HCN1: variants seen among roughly 807,000 people sequenced by gnomAD.
HCN1 encodes the protein potassium/sodium hyperpolarization-activated cyclic nucleotide-gated channel 1.
HCN1 carries 13 observed loss-of-function variants against 78.9 expected under a neutral mutation model. The ratio of observed to expected loss-of-function variants is 0.16; its 90% CI spans 0.11 to 0.26. The LOEUF is 0.26. Ranked by LOEUF, HCN1 falls within the 10% of genes least tolerant of loss-of-function variation. The pLI is 1.00. For synonymous variants in HCN1, 552 were observed against 455.5 expected (o/e 1.21, Z -2.70); for missense variants, 810 against 1,154.3 (o/e 0.70, Z 4.32).
intron 6 of HCN1, among the ~76,000 whole-genome samples, chr5:45,297,969 T>C (rs756781378): frequency 5.3e-5 from 7 of 131,690 alleles, no homozygotes; most frequent in Non-Finnish European, 1.1e-4. Flanking sequence ...TTTCTCAATA[T>C]GATTAAGAAC....
intron 3 of HCN1, among the ~76,000 whole-genome samples, chr5:45,403,615 C>T (rs1254203948): frequency 6.6e-6 from 1 of 152,062 alleles, no homozygotes; most frequent in East Asian, 1.9e-4. Flanking sequence ...GATTCAATCA[C>T]CTCCCACCGG....
intron 3 of HCN1, among the ~76,000 whole-genome samples, chr5:45,430,673 A>G (rs1740444704): frequency 6.6e-6 from 1 of 151,942 alleles, no homozygotes; most frequent in Non-Finnish European, 1.5e-5. Context: ...CACATTTTTT[A>G]AAATTTACTC....
At chr5:45,547,551 C>T (rs1370704454) in intron 2 of HCN1, among the ~76,000 whole-genome samples, 3 of 151,864 alleles carry the variant, frequency 2.0e-5, no homozygotes, top group Non-Finnish European at 4.4e-5. Context: ...CTCACCTATC[C>T]TCTTCATATG....
intron 2 of HCN1, among the ~76,000 whole-genome samples, chr5:45,553,500 T>C (rs1446239531): frequency 1.1e-4 from 16 of 151,856 alleles, no homozygotes; most frequent in Admixed American, 1.1e-3. Flanking sequence ...AAGTCTTCCT[T>C]CCCTTACAAA....
chr5:45,262,091 C>T lies in HCN1; in HGVS notation c.2503G>A (p.Val835Ile), dbSNP rs1744752548. The T allele has an allele frequency of 6.2e-7, 1 of 1,613,172 alleles. No homozygotes were observed. Among genetic ancestry groups the T allele is most frequent in the African/African-American group, 1.3e-5 (1 of 75,026 alleles). ...CGGAAGAGGGTGACGCGCTGCGGGA[C>T]AGTGCTCCTGCCCCCTGCCTGAAGG... ...TGLQAGGRST[V>I]PQRVTLFRQM... Residue 835 changes from valine to isoleucine, a missense_variant, in exon 8 of 8, where the codon GTC (valine) becomes ATC (isoleucine). By Grantham distance (29) the Val-to-Ile change is conservative (BLOSUM62 3). This residue lies in a region of HCN1 where 398 missense variants were observed against 381.3 expected (regional missense o/e 1.04). Coordinates refer to ENST00000303230, the MANE Select transcript of HCN1 (RefSeq NM_021072.4).
At chr5:45,643,742 A>G (rs1745496995) in intron 2 of HCN1, 1 of 152,178 alleles carries the variant, frequency 6.6e-6, no homozygotes, top group Non-Finnish European at 1.5e-5. Flanking sequence ...AGGAAGATTC[A>G]GTGAGCTAAT....
At chr5:45,513,844 G>T (rs1742466821) in intron 2 of HCN1, among the ~76,000 whole-genome samples, 1 of 152,096 alleles carries the variant, frequency 6.6e-6, no homozygotes, top group African/African-American at 2.4e-5. Context: ...AAGCCTCATA[G>T]ATTTCAGACC....
chr5:45,414,820 T>C (rs1395061776), intron 3 of HCN1, among the ~76,000 whole-genome samples: 1 of 152,046 alleles, frequency 6.6e-6, no homozygotes, highest in East Asian at 1.9e-4. Context: ...TATCACTTGA[T>C]TTGAGACTAT....
intron 2 of HCN1, among the ~76,000 whole-genome samples, chr5:45,585,801 G>T (rs545051326): frequency 3.9e-5 from 6 of 152,170 alleles, no homozygotes; most frequent in Non-Finnish European, 7.3e-5. Context: ...TCCAGACCCT[G>T]TTTGCCTGGG....
At chr5:45,671,984 C>T (rs1746161171) in intron 1 of HCN1, among the ~76,000 whole-genome samples, 1 of 151,500 alleles carries the variant, frequency 6.6e-6, no homozygotes, top group African/African-American at 2.4e-5. Flanking sequence ...TAGTTAAAAT[C>T]TGCATTTTGA....
At chr5:45,494,740 G>A (rs952489730) in intron 2 of HCN1, among the ~76,000 whole-genome samples, 74 of 152,090 alleles carry the variant, frequency 4.9e-4, no homozygotes, top group East Asian at 1.9e-3. Context: ...TAGGTCTAAC[G>A]TTTAAGTCTT....
At chr5:45,528,942 G>C (rs994908340) in intron 2 of HCN1, among the ~76,000 whole-genome samples, 1 of 151,916 alleles carries the variant, frequency 6.6e-6, no homozygotes, top group South Asian at 2.1e-4. Flanking sequence ...TTAGCTTTAT[G>C]GAATTCAAAA....
At chr5:45,542,844 TG>T (rs1381732003) in intron 2 of HCN1, among the ~76,000 whole-genome samples, 7 of 152,170 alleles carry the variant, frequency 4.6e-5, no homozygotes, top group Non-Finnish European at 7.3e-5. Flanking sequence ...CTATAGTCAG[TG>T]TATGTTCAAG....
chr5:45,399,954 C>A (rs1039735919), intron 3 of HCN1, among the ~76,000 whole-genome samples: 24 of 152,008 alleles, frequency 1.6e-4, no homozygotes, highest in African/African-American at 5.8e-4. Flanking sequence ...GGAGAATGAG[C>A]AAATTTATAC....
chr5:45,657,991 T>C (rs528882019), intron 1 of HCN1, among the ~76,000 whole-genome samples: 1 of 152,246 alleles, frequency 6.6e-6, no homozygotes, highest in South Asian at 2.1e-4. Flanking sequence ...CTTCAAACTA[T>C]ACTACAAGGC....
chr5:45,434,607 C>T (rs1324695485), intron 3 of HCN1, among the ~76,000 whole-genome samples: 2 of 152,156 alleles, frequency 1.3e-5, no homozygotes, highest in Non-Finnish European at 2.9e-5. Flanking sequence ...ATTGAGAAGG[C>T]ATTTGGCCAA....
rs888809220 is a variant in HCN1 at position 45,258,515 on chromosome 5, A to C, written c.*3406T>G. ...AATAGAATATATTGCCATTGCTACT[A>C]TTTATCCTCCTTGTTTTCAGGAATG... On this transcript the variant is annotated 3_prime_UTR_variant, in exon 8 of 8. Coordinates refer to ENST00000303230, the MANE Select transcript of HCN1 (RefSeq NM_021072.4). 1.3e-5 allele frequency: 2 copies of C among 152,072 alleles called. No individual in the cohort carries two copies. Among genetic ancestry groups the C allele is most frequent in the Admixed American group, 6.5e-5 (1 of 15,274 alleles). 9.4% of individuals were successfully genotyped at this position (152,072 alleles called of 1,614,324 possible). A position where few individuals can be genotyped will look rare whatever the true frequency, so the allele number is the denominator to read the frequency against.
intron 4 of HCN1, among the ~76,000 whole-genome samples, chr5:45,379,086 G>A (rs1464692006): frequency 6.6e-6 from 1 of 152,126 alleles, no homozygotes; most frequent in Non-Finnish European, 1.5e-5. Flanking sequence ...AAACATGCGT[G>A]TGCATGTGTC....
intron 5 of HCN1, among the ~76,000 whole-genome samples, chr5:45,313,781 A>G (rs1443787321): frequency 6.6e-6 from 1 of 152,218 alleles, no homozygotes; most frequent in African/African-American, 2.4e-5. Context: ...CTGAAGATCA[A>G]ATTAATGAAA....
Sources: allele counts gnomAD v4.1 joint callset (sites outside exome capture counted in the v4.1 genomes callset), GRCh38; gene constraint gnomAD v4.1.1; regional missense constraint gnomAD v4.1.1; transcripts MANE v1.5; gene names NCBI Gene and HGNC (gene_info 2026-07-23, HGNC 2026-07-21).